Variants in CAMKMT observed in about 807,000 individuals in gnomAD.
The protein encoded by CAMKMT is calmodulin-lysine N-methyltransferase.
In CAMKMT, 53 loss-of-function variants were observed where a neutral mutation model predicts 48.0. That is an observed-to-expected ratio of 1.10 (90% CI 0.89 to 1.39). CAMKMT has a LOEUF of 1.39. Among genes scored for constraint, CAMKMT ranks in the 40% most tolerant of loss-of-function variants. CAMKMT has a pLI of 0.00. For synonymous variants in CAMKMT, 165 were observed against 152.3 expected (o/e 1.08, Z -0.61); for missense variants, 428 against 402.7 (o/e 1.06, Z -0.54).
At chr2:44,478,811 C>A (rs966046115) in intron 3 of CAMKMT, among the ~76,000 whole-genome samples, 1 of 151,346 alleles carries the variant, frequency 6.6e-6, no homozygotes, top group African/African-American at 2.4e-5. Flanking sequence ...CCCCATTCTC[C>A]TGCCTCAGCC....
intron 3 of CAMKMT, among the ~76,000 whole-genome samples, chr2:44,520,127 G>A (rs965867918): frequency 6.6e-6 from 1 of 152,056 alleles, no homozygotes; most frequent in African/African-American, 2.4e-5. Context: ...GCTGAGGCAG[G>A]AGAATGGCGT....
intron 3 of CAMKMT, among the ~76,000 whole-genome samples, chr2:44,490,952 C>A (rs1572638622): frequency 1.3e-5 from 2 of 152,104 alleles, no homozygotes; most frequent in South Asian, 4.2e-4. Flanking sequence ...GAATTTGACA[C>A]CAGCTTGGGC....
intron 3 of CAMKMT, among the ~76,000 whole-genome samples, chr2:44,466,576 C>T (rs1004552376): frequency 2.0e-5 from 3 of 152,012 alleles, no homozygotes; most frequent in Admixed American, 6.6e-5. Flanking sequence ...AGAAGGCTCT[C>T]ATATCAACAA....
chr2:44,754,167 T>C, intron 9 of CAMKMT, 49 bp downstream of exon 9: 1 of 1,393,864 alleles, frequency 7.2e-7, no homozygotes, highest in East Asian at 2.3e-5. Flanking sequence ...GAATAATTAG[T>C]CTGTGCACAA....
chr2:44,454,947 T>C (rs1667481334), intron 3 of CAMKMT, among the ~76,000 whole-genome samples: 1 of 152,164 alleles, frequency 6.6e-6, no homozygotes, highest in Non-Finnish European at 1.5e-5. Context: ...GTCTTTGAAC[T>C]CTTGATTTTG....
intron 3 of CAMKMT, among the ~76,000 whole-genome samples, chr2:44,428,931 G>A (rs954385163): frequency 1.3e-5 from 2 of 152,166 alleles, no homozygotes; most frequent in African/African-American, 4.8e-5. Context: ...CAGCTAAACA[G>A]AGCAAGAAGT....
chr2:44,527,809 C>T (rs1666244515), intron 3 of CAMKMT, among the ~76,000 whole-genome samples: 1 of 116,368 alleles, frequency 8.6e-6, no homozygotes, highest in African/African-American at 3.2e-5. Context: ...TATCAATATA[C>T]TCAATGTTTG....
intron 3 of CAMKMT, among the ~76,000 whole-genome samples, chr2:44,650,373 C>G (rs2104033917): frequency 6.6e-6 from 1 of 152,278 alleles, no homozygotes; most frequent in Non-Finnish European, 1.5e-5. Flanking sequence ...TCATCTTAAC[C>G]TAACTAACAA....
chr2:44,493,247 C>G (rs566511572), intron 3 of CAMKMT, among the ~76,000 whole-genome samples: 1 of 152,238 alleles, frequency 6.6e-6, no homozygotes, highest in Non-Finnish European at 1.5e-5. Flanking sequence ...CATGAATTTA[C>G]TTTGAATCCT....
intron 3 of CAMKMT, among the ~76,000 whole-genome samples, chr2:44,527,045 G>T (rs1392766869): frequency 7.0e-6 from 1 of 143,364 alleles, no homozygotes; most frequent in Non-Finnish European, 1.5e-5. Flanking sequence ...AGCAGTCACT[G>T]CCCATTTCCT....
intron 7 of CAMKMT, among the ~76,000 whole-genome samples, chr2:44,743,357 T>C (rs1156548723): frequency 6.6e-6 from 1 of 152,182 alleles, no homozygotes; most frequent in Admixed American, 6.5e-5. Flanking sequence ...AGATAAGATA[T>C]TTTTCTCTAG....
rs1161816874 is a variant in CAMKMT, at chr2:44,653,045, C to T, written c.377-51238C>T. Among the ~76,000 whole-genome samples, 1 of 152,198 alleles carries T rather than the reference C, an allele frequency of 6.6e-6. No individual in the cohort carries two copies. The highest frequency in any genetic ancestry group is 2.4e-5 in the African/African-American group (1 of 41,464). ...TATCAACCCTCCCTTTAAGCTTATT[C>T]TGTGCACATCCTGGTCAAATCTGGT... On this transcript the variant is annotated intron_variant, in intron 3 of 10. Coordinates refer to ENST00000378494, the MANE Select transcript of CAMKMT (RefSeq NM_024766.5). This position sits in a 1 kb window ranked among gnomAD's most constrained non-coding sequence, Gnocchi z 5.2.
chr2:44,426,746 G>A (rs1035978034), intron 3 of CAMKMT, among the ~76,000 whole-genome samples: 17 of 152,072 alleles, frequency 1.1e-4, no homozygotes, highest in African/African-American at 3.6e-4. Context: ...TGCCCATACT[G>A]CCCAAAGCAA....
chr2:44,532,329 A>T (rs544819548), intron 3 of CAMKMT, among the ~76,000 whole-genome samples: 1 of 152,210 alleles, frequency 6.6e-6, no homozygotes, highest in Non-Finnish European at 1.5e-5. Flanking sequence ...TGTGAATTCA[A>T]AAGGGAATAA....
intron 3 of CAMKMT, among the ~76,000 whole-genome samples, chr2:44,471,888 G>A (rs1668438765): frequency 6.6e-6 from 1 of 151,862 alleles, no homozygotes; most frequent in Admixed American, 6.6e-5. Context: ...TCCACATAGA[G>A]AAGACTGGTC....
intron 3 of CAMKMT, among the ~76,000 whole-genome samples, chr2:44,664,658 T>C (rs1450676882): frequency 1.3e-5 from 2 of 152,154 alleles, no homozygotes. Context: ...AGCTAGAATG[T>C]AAAGATAAAA....
intron 3 of CAMKMT, among the ~76,000 whole-genome samples, chr2:44,689,110 G>T (rs1676491433): frequency 6.6e-6 from 1 of 152,044 alleles, no homozygotes; most frequent in Non-Finnish European, 1.5e-5. Flanking sequence ...TGCTATTTTG[G>T]TATGCCCTGT....
intron 7 of CAMKMT, among the ~76,000 whole-genome samples, chr2:44,738,795 A>G (rs1679505195): frequency 6.6e-6 from 1 of 152,228 alleles, no homozygotes; most frequent in Admixed American, 6.5e-5. Flanking sequence ...GAAGTGCTGG[A>G]CTGAAAATAA....
chr2:44,407,223 T>A (rs557168469), intron 3 of CAMKMT, among the ~76,000 whole-genome samples: 2 of 152,102 alleles, frequency 1.3e-5, no homozygotes, highest in Non-Finnish European at 2.9e-5. Context: ...TTTCAATAAT[T>A]TTGCTCCCTT....
Sources: gnomAD v4.1 joint callset for allele counts (sites outside exome capture counted in the v4.1 genomes callset) on GRCh38, gnomAD v4.1.1 for gene constraint, Gnocchi (gnomAD v3.1) non-coding constraint, MANE v1.5 for transcripts, NCBI Gene and HGNC (gene_info 2026-07-23, HGNC 2026-07-21) for gene names.